SLCO3A1: variants seen among roughly 807,000 people sequenced by gnomAD.
SLCO3A1 encodes the protein solute carrier organic anion transporter family member 3A1.
In SLCO3A1, 27 loss-of-function variants were observed where a neutral mutation model predicts 63.1. The observed-to-expected ratio is 0.43, with a 90% CI of 0.32 to 0.59. SLCO3A1 has a LOEUF of 0.59. Among genes scored for constraint, SLCO3A1 ranks in the 20% least tolerant of loss-of-function variants. SLCO3A1 has a pLI of 0.09. For synonymous variants in SLCO3A1, 473 were observed against 409.9 expected, an observed-to-expected ratio of 1.15 and a Z score of -1.86; for missense variants, 773 against 945.8, an observed-to-expected ratio of 0.82 and a Z score of 2.40.
At position 92,027,024 on chromosome 15, in the gene SLCO3A1, A is replaced by C. The variant is rs1264100200; in HGVS notation, c.647-67857A>C. On this transcript the variant is annotated intron_variant, in intron 2 of 9. Transcript: ENST00000318445. ...AGAATCACTTGAACCCAGGAGGTGG[A>C]GGTTGCAGTGAGCCAAGATCGTGCC... Among the ~76,000 whole-genome samples the C allele has an allele frequency of 2.7e-5, 4 of 149,570 alleles. No individual in the cohort carries two copies. In the Admixed American group the frequency reaches 2.7e-4, roughly 10 times the overall value.
intron 9 of SLCO3A1, among the ~76,000 whole-genome samples, chr15:92,158,776 TC>T (rs1443300615): frequency 6.6e-6 from 1 of 152,232 alleles, no homozygotes; most frequent in Non-Finnish European, 1.5e-5. Flanking sequence ...TGCAGTCCGT[TC>T]GTCTCTGGTA....
chr15:92,072,382 T>A (rs765166797), intron 2 of SLCO3A1, among the ~76,000 whole-genome samples: 18 of 152,150 alleles, frequency 1.2e-4, no homozygotes, highest in Non-Finnish European at 2.4e-4. Flanking sequence ...CTTTAACATT[T>A]ATTTTCTGTG....
At chr15:92,041,889 G>T (rs1783472642) in intron 2 of SLCO3A1, among the ~76,000 whole-genome samples, 1 of 151,960 alleles carries the variant, frequency 6.6e-6, no homozygotes, top group Admixed American at 6.6e-5. Flanking sequence ...CTAGCTAAAT[G>T]ATGTTTATCA....
At chr15:92,051,592 C>T (rs937345623) in intron 2 of SLCO3A1, among the ~76,000 whole-genome samples, 3 of 151,864 alleles carry the variant, frequency 2.0e-5, no homozygotes, top group Non-Finnish European at 4.4e-5. Context: ...GTGCTAAGAC[C>T]AGGAGCTTCA....
intron 3 of SLCO3A1, among the ~76,000 whole-genome samples, chr15:92,097,243 C>A (rs1567117884): frequency 6.6e-6 from 1 of 152,138 alleles, no homozygotes; most frequent in East Asian, 1.9e-4. Context: ...GAAACCAAGT[C>A]ACAGAGAGGG....
intron 7 of SLCO3A1, among the ~76,000 whole-genome samples, chr15:92,145,256 C>CT (rs1262459199): frequency 6.6e-6 from 1 of 152,078 alleles, no homozygotes; most frequent in Non-Finnish European, 1.5e-5. Context: ...AGGTGGTGAG[C>CT]TAAATAGCTA....
chr15:92,094,713 T>C (rs961038499), intron 2 of SLCO3A1, among the ~76,000 whole-genome samples, 168 bp from the exon 3 acceptor site: 1 of 152,228 alleles, frequency 6.6e-6, no homozygotes, highest in African/African-American at 2.4e-5. Context: ...AGTGCTTTCA[T>C]AGAGTTTCCA....
At chr15:91,981,208 C>T (rs1055542422) in intron 2 of SLCO3A1, among the ~76,000 whole-genome samples, 7 of 152,144 alleles carry the variant, frequency 4.6e-5, no homozygotes, top group Non-Finnish European at 7.3e-5. Context: ...GGTCCTTCTC[C>T]CACCAGCCAG....
chr15:91,982,464 G>A (rs1046107880), intron 2 of SLCO3A1, among the ~76,000 whole-genome samples: 2 of 152,244 alleles, frequency 1.3e-5, no homozygotes, highest in Non-Finnish European at 2.9e-5. Flanking sequence ...CAGTTAAGCA[G>A]TATTTTCAAC....
intron 9 of SLCO3A1, among the ~76,000 whole-genome samples, chr15:92,152,797 T>A (rs190380431): frequency 6.6e-6 from 1 of 152,218 alleles, no homozygotes; most frequent in African/African-American, 2.4e-5. Flanking sequence ...CCATGAACCA[T>A]CCCCAGGTAA....
At position 91,859,653 on chromosome 15, in the gene SLCO3A1, A is replaced by G. The variant is rs561283809; in HGVS notation, c.180+5565A>G. Among the ~76,000 whole-genome samples, 7 of 152,184 alleles carry G rather than the reference A, an allele frequency of 4.6e-5. No individual in the cohort carries two copies. The East Asian group carries it at 9.7e-4, about 21-fold the overall frequency. On this transcript the variant is annotated intron_variant, in intron 1 of 9. Transcript: ENST00000318445. This position sits in a 1 kb window ranked among gnomAD's most constrained non-coding sequence, Gnocchi z 5.1. ...TGTTTACTTAATCTCTGTGTACCTCAATTTTTCATTTTATAACTGGGGTTA... is the reference window on the plus strand; with the variant it reads ...TGTTTACTTAATCTCTGTGTACCTCGATTTTTCATTTTATAACTGGGGTTA...
At chr15:92,069,096 G>GCCCCC (rs56003783) in intron 2 of SLCO3A1, among the ~76,000 whole-genome samples, 3 of 115,738 alleles carry the variant, frequency 2.6e-5, no homozygotes, top group Admixed American at 1.8e-4. Context: ...GGCTCCCCCC[G>GCCCCC]CCCCCCCCCC....
rs184363954 is a variant in SLCO3A1 at position 92,089,269 on chromosome 15, G to A, written c.647-5612G>A. 8.7e-3 allele frequency among the ~76,000 whole-genome samples: 1,331 copies of A among 152,152 alleles called. 20 individuals carry two copies. The highest frequency in any genetic ancestry group is 0.03 in the African/African-American group (1,265 of 41,500). ...ACTTGATCTCCTGACCTCGTGATCC[G>A]CTTGCCTCAGCCTCCCAGAGCTCTG... On this transcript the variant is annotated intron_variant, in intron 2 of 9. Transcript: ENST00000318445.
chr15:91,907,287 C>T (rs773827855), intron 1 of SLCO3A1, among the ~76,000 whole-genome samples: 1 of 151,308 alleles, frequency 6.6e-6, no homozygotes, highest in Non-Finnish European at 1.5e-5. Flanking sequence ...GCTCACTGCA[C>T]CTCTGCCACT....
intron 7 of SLCO3A1, among the ~76,000 whole-genome samples, chr15:92,132,223 A>G (rs566162123): frequency 4.8e-5 from 7 of 146,276 alleles, no homozygotes; most frequent in Admixed American, 6.8e-5. Flanking sequence ...AAAATTCCCC[A>G]TAACTCAATT....
intron 4 of SLCO3A1, among the ~76,000 whole-genome samples, chr15:92,111,323 A>T (rs2047726451): frequency 6.6e-6 from 1 of 152,224 alleles, no homozygotes; most frequent in Non-Finnish European, 1.5e-5. Flanking sequence ...GCCTTTCAGC[A>T]TAATGTTATC....
chr15:91,869,728 G>C (rs1897246409), intron 1 of SLCO3A1, among the ~76,000 whole-genome samples: 1 of 151,960 alleles, frequency 6.6e-6, no homozygotes, highest in South Asian at 2.1e-4. Context: ...GGATCATTTG[G>C]GAAGTAGACA....
chr15:91,919,876 G>T (rs1898786115), intron 2 of SLCO3A1, among the ~76,000 whole-genome samples: 1 of 151,960 alleles, frequency 6.6e-6, no homozygotes, highest in African/African-American at 2.4e-5. Context: ...TGTAGAAAAA[G>T]AATAATTAGA....
At chr15:91,906,269 T>A (rs925337495) in intron 1 of SLCO3A1, among the ~76,000 whole-genome samples, 1 of 152,236 alleles carries the variant, frequency 6.6e-6, no homozygotes, top group Non-Finnish European at 1.5e-5. Flanking sequence ...AGGGGCTAAC[T>A]AACTATGTGC....
Sources: gnomAD v4.1 joint callset for allele counts (sites outside exome capture counted in the v4.1 genomes callset) on GRCh38, gnomAD v4.1.1 for gene constraint, Gnocchi (gnomAD v3.1) non-coding constraint, MANE v1.5 for transcripts, NCBI Gene and HGNC (gene_info 2026-07-23, HGNC 2026-07-21) for gene names.